Variants in TMEM63A observed in about 807,000 individuals in gnomAD.
The protein encoded by TMEM63A is transmembrane protein 63A.
TMEM63A carries 76 observed loss-of-function variants against 100.6 expected under a neutral mutation model. That is an observed-to-expected ratio of 0.76 (90% confidence interval 0.63 to 0.91). The LOEUF (loss-of-function observed/expected upper bound fraction) is 0.91. Among genes scored for constraint, TMEM63A ranks in the 40% least tolerant of loss-of-function variants. The probability of loss-of-function intolerance (pLI) is 0.00; values close to 1 mark genes in which losing one functional copy is unlikely to be tolerated. For synonymous variants in TMEM63A, 401 were observed against 401.1 expected (o/e 1.00, Z 0.00); for missense variants, 876 against 1,008.8 (o/e 0.87, Z 1.78).
chr1:225,874,247 TACGCACACGC>T lies in TMEM63A; in HGVS notation c.266+31_266+40del, dbSNP rs760564058. On this transcript the variant is annotated intron_variant, in intron 4 of 24. Transcript: ENST00000366835. ...TCACGCACATATACACACTCACACG[TACGCACACGC>T]ATGCTCACAGCCTAGGCGATATGTC... 21 of 1,583,490 alleles carry T rather than the reference TACGCACACGC, an allele frequency of 1.3e-5. No homozygotes were observed. The East Asian group carries it at 1.6e-4, about 12-fold the overall frequency.
At chr1:225,871,510 T>C (rs1670506241) in intron 5 of TMEM63A, 1 of 216,356 alleles carries the variant, frequency 4.6e-6, no homozygotes, top group African/African-American at 2.3e-5. Context: ...CTGCAGGTTT[T>C]ATTGTCCTTC....
chr1:225,870,909 G>A (rs1670477888), intron 6 of TMEM63A, among the ~76,000 whole-genome samples, 167 bp downstream of exon 6: 3 of 152,104 alleles, frequency 2.0e-5, no homozygotes, highest in Admixed American at 1.3e-4. Context: ...GGGGCTGCCT[G>A]GTCACCTTGA....
chr1:225,871,043 G>T (rs1434163919), intron 6 of TMEM63A, 33 bp downstream of exon 6: 1 of 1,612,180 alleles, frequency 6.2e-7, no homozygotes. Context: ...CCAGCCCAAA[G>T]GCCCCCCAGC....
At chr1:225,849,193 G>A (rs1176853016) in intron 21 of TMEM63A, among the ~76,000 whole-genome samples, 181 bp from the exon 22 acceptor site, 1 of 147,220 alleles carries the variant, frequency 6.8e-6, no homozygotes, top group Admixed American at 6.9e-5. Context: ...CAAGGATGGT[G>A]TCTTCACAGC....
chr1:225,844,764 C>A, downstream of TMEM63A: 1 of 1,373,116 alleles, frequency 7.3e-7, no homozygotes, highest in Non-Finnish European at 9.9e-7. Context: ...TGGATGGGAA[C>A]ACTAAAGGTC....
rs556127485 is a variant in TMEM63A, at chr1:225,856,384, G to C, written c.1571+268C>G. The stretch of plus-strand genomic sequence containing the variant: ...TCACGCCTGTAATCCCAGCACTTTG[G>C]GAGGCCGAGGCGGGTGGATCACCTG... On this transcript the variant is annotated intron_variant, in intron 17 of 24. Coordinates refer to ENST00000366835, the MANE Select transcript of TMEM63A (RefSeq NM_014698.3). Among the ~76,000 whole-genome samples, 152 of 142,066 alleles carry C rather than the reference G, an allele frequency of 1.1e-3. 1 individual carries two copies. The highest frequency in any genetic ancestry group is 4.1e-3 in the African/African-American group (149 of 36,666). The allele number at this position is 142,066 out of a possible 152,430, so 93.2% of individuals were successfully genotyped here.
In TMEM63A at chr1:225,853,959, A is replaced by G. The variant is rs1669485332; in HGVS notation, c.1635-168T>C. ...CTGTGTGCCAAGCACCTTTCTAGGC[A>G]CTGAGAATAGAACAAAGCCCCTGCG... On this transcript the variant is annotated intron_variant, in intron 18 of 24. Coordinates refer to ENST00000366835, the MANE Select transcript of TMEM63A (RefSeq NM_014698.3). The surrounding 1 kb of genome is among the most constrained non-coding windows in gnomAD (Gnocchi z 4.0). Among the ~76,000 whole-genome samples the G allele has an allele frequency of 6.6e-6, 1 of 152,130 alleles. No individual in the cohort carries two copies. The highest frequency in any genetic ancestry group is 1.5e-5 in the Non-Finnish European group (1 of 68,020).
chr1:225,842,491 C>G (rs1668512864), downstream of TMEM63A: 3 of 1,568,082 alleles, frequency 1.9e-6, no homozygotes, highest in African/African-American at 2.7e-5. Flanking sequence ...CCCTGGTTTG[C>G]CCCTGCAGTC....
chr1:225,871,978 G>C lies in TMEM63A; in HGVS notation c.333+9C>G. The C allele has an allele frequency of 6.2e-7, 1 of 1,610,264 alleles. No individual in the cohort carries two copies. The highest frequency in any genetic ancestry group is 8.5e-7 in the Non-Finnish European group (1 of 1,177,144). The stretch of plus-strand genomic sequence containing the variant: ...TGGCCATGACCACAACTGGGCCTTA[G>C]ATACCAACCAGCTCATTTTCAAAGT... On this transcript the variant is annotated intron_variant, in intron 5 of 24. Transcript: ENST00000366835.
At chr1:225,845,032 C>T, downstream of TMEM63A, 2 of 1,133,168 alleles carry the variant, frequency 1.8e-6, no homozygotes, top group Non-Finnish European at 2.6e-6. Flanking sequence ...TTCTTTATGG[C>T]TCCTTGTGGG....
At chr1:225,848,848 A>G in intron 22 of TMEM63A, 49 bp downstream of exon 22, 2 of 1,440,210 alleles carry the variant, frequency 1.4e-6, no homozygotes, top group East Asian at 2.4e-5. Context: ...CCGTCCCACC[A>G]TCTGTTCCTC....
intron 21 of TMEM63A, 51 bp from the exon 22 acceptor site, chr1:225,849,063 C>T (rs1669183738): frequency 8.1e-7 from 1 of 1,237,490 alleles, no homozygotes; most frequent in Non-Finnish European, 1.2e-6. Context: ...GGGCCACCAC[C>T]TACCCTCACC....
In TMEM63A at chr1:225,846,472, T is replaced by TA. The variant is rs1553487077; in HGVS notation, c.*466dup. On this transcript the variant is annotated 3_prime_UTR_variant, in exon 25 of 25. Coordinates refer to ENST00000366835, the MANE Select transcript of TMEM63A (RefSeq NM_014698.3). The stretch of plus-strand genomic sequence containing the variant: ...TGGCCACCTCCCAACCTGTTCCCCA[T>TA]AGCTTACTCCTGGATGTAGCCTGGA... 6.5e-6 allele frequency: 1 copy of TA among 152,774 alleles called. No individual in the cohort carries two copies. The highest frequency in any genetic ancestry group is 1.5e-5 in the Non-Finnish European group (1 of 68,512). The allele number at this position is 152,774 out of a possible 1,614,324, so 9.5% of individuals were successfully genotyped here. A position where few individuals can be genotyped will look rare whatever the true frequency, so the allele number is the denominator to read the frequency against.
intron 22 of TMEM63A, 60 bp from the exon 23 acceptor site, chr1:225,848,614 C>T: frequency 1.3e-6 from 2 of 1,544,146 alleles, no homozygotes; most frequent in Admixed American, 3.4e-5. Context: ...GAACAAACAC[C>T]CTCCAAACAC....
At chr1:225,854,197 G>C (rs940086739) in intron 18 of TMEM63A, among the ~76,000 whole-genome samples, 1 of 152,208 alleles carries the variant, frequency 6.6e-6, no homozygotes, top group African/African-American at 2.4e-5. Context: ...GGGAAGACAG[G>C]ATTCCAGGGA....
chr1:225,880,209 C>A (rs1671021829), intron 1 of TMEM63A, among the ~76,000 whole-genome samples: 1 of 152,182 alleles, frequency 6.6e-6, no homozygotes, highest in African/African-American at 2.4e-5. Context: ...CCGATGAGCA[C>A]CCAGGTTAGG....
Position 225,867,009 on chromosome 1 carries a change from C to T in TMEM63A, c.566+103G>A. ...CTAGCTGCAAGGGGCCTTCAGATAC[C>T]AGCCGGCCCCCTTTGGAGTACCTCT... is the stretch of plus-strand genomic sequence containing the variant. On this transcript the variant is annotated intron_variant, in intron 8 of 24. Coordinates refer to ENST00000366835, the MANE Select transcript of TMEM63A (RefSeq NM_014698.3). The surrounding 1 kb of genome is among the most constrained non-coding windows in gnomAD (Gnocchi z 4.6). The T allele has an allele frequency of 1.6e-6, 2 of 1,214,172 alleles. No individual in the cohort carries two copies. Among genetic ancestry groups the T allele is most frequent in the Non-Finnish European group, 2.4e-6 (2 of 817,526 alleles). The allele number at this position is 1,214,172 out of a possible 1,614,324, so 75.2% of individuals were successfully genotyped here. A position where few individuals can be genotyped will look rare whatever the true frequency, so the allele number is the denominator to read the frequency against.
Position 225,846,923 on chromosome 1 carries a change from G to A in TMEM63A, c.*16C>T. ...GCCATTCTGGTTGTGTCTTTTCAGA[G>A]CAGTGAGACCTAAAACAGATGGGAA... is the stretch of plus-strand genomic sequence containing the variant. On this transcript the variant is annotated 3_prime_UTR_variant, in exon 25 of 25. Transcript: ENST00000366835. 7.9e-7 allele frequency: 1 copy of A among 1,267,916 alleles called. No homozygotes were observed. Among genetic ancestry groups the A allele is most frequent in the Non-Finnish European group, 1.1e-6 (1 of 945,462 alleles). The allele number at this position is 1,267,916 out of a possible 1,614,324, so 78.5% of individuals were successfully genotyped here.
chr1:225,861,049 A>T (rs1669910976), intron 13 of TMEM63A, 52 bp from the exon 14 acceptor site: 1 of 1,562,548 alleles, frequency 6.4e-7, no homozygotes, highest in Non-Finnish European at 8.7e-7. Context: ...GTTACCAAGC[A>T]CACATGTGGC....
Sources: allele counts gnomAD v4.1 joint callset (sites outside exome capture counted in the v4.1 genomes callset), GRCh38; gene constraint gnomAD v4.1.1; non-coding constraint Gnocchi (gnomAD v3.1); transcripts MANE v1.5; gene names NCBI Gene and HGNC (gene_info 2026-07-23, HGNC 2026-07-21).